GRM5: variants seen among roughly 807,000 people sequenced by gnomAD.
GRM5 encodes glutamate metabotropic receptor 5.
GRM5 carries 19 observed loss-of-function variants against 83.1 expected under a neutral mutation model. The observed-to-expected ratio is 0.23, with a 90% CI of 0.16 to 0.34. The LOEUF is 0.34. Ranked by LOEUF, GRM5 falls within the 10% of genes least tolerant of loss-of-function variation. The probability of loss-of-function intolerance (pLI) is 1.00; values close to 1 mark genes in which losing one functional copy is unlikely to be tolerated. For synonymous variants in GRM5, 675 were observed against 633.6 expected (o/e 1.07, Z -0.98); for missense variants, 1,160 against 1,588.3 (o/e 0.73, Z 4.58).
intron 2 of GRM5, among the ~76,000 whole-genome samples, chr11:89,010,099 A>G (rs1390481336): frequency 1.3e-5 from 2 of 150,736 alleles, no homozygotes; most frequent in Non-Finnish European, 3.0e-5. Flanking sequence ...GTATATGGCC[A>G]TATACATTAC....
intron 8 of GRM5, among the ~76,000 whole-genome samples, chr11:88,560,075 A>G (rs1444408715): frequency 6.6e-6 from 1 of 152,096 alleles, no homozygotes; most frequent in African/African-American, 2.4e-5. Flanking sequence ...AGGAAATTGT[A>G]TAAGGATCAG....
At chr11:88,760,506 C>A (rs967510025) in intron 3 of GRM5, among the ~76,000 whole-genome samples, 1 of 151,916 alleles carries the variant, frequency 6.6e-6, no homozygotes, top group African/African-American at 2.4e-5. Context: ...AAGACTGAAC[C>A]GGGAATAAAT....
intron 3 of GRM5, among the ~76,000 whole-genome samples, chr11:88,671,357 A>C (rs760884597): frequency 6.6e-6 from 1 of 152,122 alleles, no homozygotes; most frequent in Non-Finnish European, 1.5e-5. Flanking sequence ...TTAGTCTGTA[A>C]GAGAAAGTGC....
At chr11:88,975,032 T>A (rs1939289154) in intron 2 of GRM5, among the ~76,000 whole-genome samples, 1 of 152,224 alleles carries the variant, frequency 6.6e-6, no homozygotes, top group South Asian at 2.1e-4. Flanking sequence ...AGGAGTCTGA[T>A]GTGTCAATGG....
chr11:88,743,127 C>T (rs1435188604), intron 3 of GRM5, among the ~76,000 whole-genome samples: 1 of 152,080 alleles, frequency 6.6e-6, no homozygotes, highest in African/African-American at 2.4e-5. Context: ...TTATAGAAAC[C>T]CCATGTCTGT....
chr11:88,833,460 T>C (rs544647505), intron 3 of GRM5, among the ~76,000 whole-genome samples: 1 of 151,502 alleles, frequency 6.6e-6, no homozygotes, highest in African/African-American at 2.4e-5. Flanking sequence ...AGAATGGCTA[T>C]TATTAAAAAG....
At chr11:88,820,022 A>G (rs1183403760) in intron 3 of GRM5, among the ~76,000 whole-genome samples, 2 of 152,052 alleles carry the variant, frequency 1.3e-5, no homozygotes, top group African/African-American at 4.8e-5. Context: ...CTCCCTCTCA[A>G]CACTGTTGTA....
At chr11:89,002,395 G>A (rs1192207743) in intron 2 of GRM5, among the ~76,000 whole-genome samples, 2 of 152,112 alleles carry the variant, frequency 1.3e-5, no homozygotes, top group Admixed American at 1.3e-4. Context: ...AATCCTGTTT[G>A]GGAGCTCTGG....
chr11:88,538,847 A>C (rs1942197589), intron 8 of GRM5, among the ~76,000 whole-genome samples: 1 of 152,248 alleles, frequency 6.6e-6, no homozygotes, highest in South Asian at 2.1e-4. Flanking sequence ...AGGTTACTAG[A>C]ATGGTCAACT....
At chr11:89,025,798 G>A (rs940767441) in intron 2 of GRM5, among the ~76,000 whole-genome samples, 1 of 152,126 alleles carries the variant, frequency 6.6e-6, no homozygotes, top group African/African-American at 2.4e-5. Flanking sequence ...ACTTAAAACA[G>A]TACTACCATT....
intron 8 of GRM5, among the ~76,000 whole-genome samples, chr11:88,545,374 T>C (rs112079152): frequency 4.9e-4 from 75 of 152,256 alleles, no homozygotes; most frequent in African/African-American, 1.7e-3. Context: ...CACATATTTC[T>C]TCAAACCTAT....
At position 88,507,326 on chromosome 11, in the gene GRM5, T is replaced by G. The variant is rs1941204376; in HGVS notation, c.*1266A>C. Reference sequence around the variant, plus strand: ...GGTTCCTCTTTTTTAGTATTTTGTATTGCTTTGAAAAATCTACATTTGTCA... The same window carrying G: ...GGTTCCTCTTTTTTAGTATTTTGTAGTGCTTTGAAAAATCTACATTTGTCA... On this transcript the variant is annotated 3_prime_UTR_variant, in exon 10 of 10. Coordinates refer to ENST00000305447, the MANE Select transcript of GRM5 (RefSeq NM_001143831.3). 6.6e-6 allele frequency: 1 copy of G among 152,234 alleles called. No homozygotes were observed. The highest frequency in any genetic ancestry group is 2.1e-4 in the South Asian group (1 of 4,832). The allele number at this position is 152,234 out of a possible 1,614,324, so 9.4% of individuals were successfully genotyped here.
At chr11:88,611,946 A>G (rs1938329223) in intron 4 of GRM5, among the ~76,000 whole-genome samples, 1 of 151,610 alleles carries the variant, frequency 6.6e-6, no homozygotes. Context: ...AGTTTCAAAG[A>G]ATTTATTTAT....
Position 88,533,919 on chromosome 11 carries a change from G to A in GRM5, c.2631-8515C>T, listed in dbSNP as rs967992497. Reference sequence around the variant, plus strand: ...GGTGCCCTGCATCCCAGCCACTCTAGTTATGGCTGAAATGGGTCAACATAG... The same window carrying A: ...GGTGCCCTGCATCCCAGCCACTCTAATTATGGCTGAAATGGGTCAACATAG... On this transcript the variant is annotated intron_variant, in intron 8 of 9. Transcript: ENST00000305447. 2.0e-5 allele frequency among the ~76,000 whole-genome samples: 3 copies of A among 152,128 alleles called. No homozygotes were observed. In the East Asian group the frequency reaches 5.8e-4, roughly 29 times the overall value.
chr11:88,772,092 T>C (rs949271166), intron 3 of GRM5, among the ~76,000 whole-genome samples: 4 of 152,166 alleles, frequency 2.6e-5, no homozygotes, highest in African/African-American at 4.8e-5. Context: ...TATTCACCCA[T>C]TGAAGGACAT....
At chr11:88,671,921 G>A (rs1445968183) in intron 3 of GRM5, among the ~76,000 whole-genome samples, 1 of 151,956 alleles carries the variant, frequency 6.6e-6, no homozygotes, top group Non-Finnish European at 1.5e-5. Context: ...TGCTCTTTTG[G>A]TTGTACATTA....
chr11:89,011,965 T>C (rs1940714408), intron 2 of GRM5, among the ~76,000 whole-genome samples: 2 of 152,226 alleles, frequency 1.3e-5, no homozygotes, highest in Admixed American at 1.3e-4. Context: ...CAAATTACCT[T>C]GATTCCAAAG....
chr11:88,863,411 C>T (rs2135553237), intron 2 of GRM5, among the ~76,000 whole-genome samples: 1 of 152,108 alleles, frequency 6.6e-6, no homozygotes, highest in African/African-American at 2.4e-5. Flanking sequence ...TACATATACA[C>T]CATGGAATAT....
intron 3 of GRM5, among the ~76,000 whole-genome samples, chr11:88,803,743 C>A (rs1183336394): frequency 6.6e-6 from 1 of 151,812 alleles, no homozygotes; most frequent in Admixed American, 6.6e-5. Flanking sequence ...TCAGAGTGAA[C>A]AGGCAACCTA....
Sources: allele counts gnomAD v4.1 joint callset (sites outside exome capture counted in the v4.1 genomes callset), GRCh38; gene constraint gnomAD v4.1.1; transcripts MANE v1.5; gene names NCBI Gene and HGNC (gene_info 2026-07-23, HGNC 2026-07-21).